Variants in GALNT10 observed in about 807,000 individuals in gnomAD.
GALNT10 encodes polypeptide N-acetylgalactosaminyltransferase 10, also known as GalNAc transferase 10.
Under a neutral mutation model 75.0 loss-of-function variants are expected in GALNT10, and 41 were observed. That is an observed-to-expected ratio of 0.55 (90% CI 0.43 to 0.71). GALNT10 has a LOEUF of 0.71. Ranked by LOEUF, GALNT10 falls within the 30% of genes least tolerant of loss-of-function variation. GALNT10 has a pLI of 0.00. For synonymous variants in GALNT10, 302 were observed against 313.0 expected (o/e 0.96, Z 0.37); for missense variants, 727 against 818.5 (o/e 0.89, Z 1.36).
chr5:154,268,628 T>C (rs868632825), intron 1 of GALNT10, among the ~76,000 whole-genome samples: 88 of 152,232 alleles, frequency 5.8e-4, no homozygotes, highest in African/African-American at 2.1e-3. Flanking sequence ...CAAGGAAGTG[T>C]GTTGGTGTGT....
chr5:154,239,810 A>G (rs1272484455), intron 1 of GALNT10, among the ~76,000 whole-genome samples: 1 of 152,204 alleles, frequency 6.6e-6, no homozygotes, highest in Non-Finnish European at 1.5e-5. Context: ...GCCTTGTAGT[A>G]ATAGATATCT....
chr5:154,194,993 A>T (rs1774913555), intron 1 of GALNT10, among the ~76,000 whole-genome samples: 1 of 152,214 alleles, frequency 6.6e-6, no homozygotes, highest in Admixed American at 6.5e-5. Context: ...CCACAACTTA[A>T]GGGTATGTTC....
intron 1 of GALNT10, among the ~76,000 whole-genome samples, chr5:154,282,096 G>C (rs949849517): frequency 6.6e-6 from 1 of 152,208 alleles, no homozygotes; most frequent in East Asian, 1.9e-4. Flanking sequence ...GGTAGCATCA[G>C]GTGAGGGCTT....
At chr5:154,315,279 G>A (rs990514151) in intron 3 of GALNT10, among the ~76,000 whole-genome samples, 6 of 152,322 alleles carry the variant, frequency 3.9e-5, no homozygotes, top group South Asian at 4.1e-4. Flanking sequence ...AAGGAATCAC[G>A]GGCAATAGAG....
At chr5:154,348,842 C>A (rs1044035478) in intron 4 of GALNT10, among the ~76,000 whole-genome samples, 2 of 152,092 alleles carry the variant, frequency 1.3e-5, no homozygotes, top group African/African-American at 4.8e-5. Flanking sequence ...TCAGTTATAT[C>A]TTTTTCTAAA....
intron 3 of GALNT10, among the ~76,000 whole-genome samples, chr5:154,321,067 A>T (rs967959870): frequency 1.3e-5 from 2 of 152,218 alleles, no homozygotes; most frequent in Non-Finnish European, 2.9e-5. Flanking sequence ...AATTGAAAGA[A>T]TTATACAGCG....
chr5:154,199,998 G>A (rs1775001956), intron 1 of GALNT10, among the ~76,000 whole-genome samples: 1 of 152,240 alleles, frequency 6.6e-6, no homozygotes, highest in Non-Finnish European at 1.5e-5. Flanking sequence ...ACGCAGCTAG[G>A]AAGTGATGGA....
intron 4 of GALNT10, among the ~76,000 whole-genome samples, chr5:154,354,190 A>T (rs62379907): frequency 0.061 from 9,236 of 152,310 alleles, 356 homozygotes; most frequent in Middle Eastern, 0.1. Context: ...CTTACAAATT[A>T]GATCAAATGT....
rs555013504 is a variant in GALNT10, at chr5:154,247,872, G to A, written c.160-46944G>A. 9.2e-5 allele frequency among the ~76,000 whole-genome samples: 14 copies of A among 152,266 alleles called. No individual in the cohort carries two copies. In the East Asian group the frequency reaches 2.7e-3, roughly 29 times the overall value. On this transcript the variant is annotated intron_variant, in intron 1 of 11. Coordinates refer to ENST00000297107, the MANE Select transcript of GALNT10 (RefSeq NM_198321.4). ...TGTTGAATAGGAGTGGTGAGAGAGG[G>A]CATCCCTGTCTTGTGGCAGTTTTCA...
intron 4 of GALNT10, among the ~76,000 whole-genome samples, chr5:154,375,518 T>C (rs1003532108): frequency 6.6e-6 from 1 of 152,218 alleles, no homozygotes; most frequent in Non-Finnish European, 1.5e-5. Flanking sequence ...TTTGCTGTCT[T>C]GTGTAATAAG....
chr5:154,218,244 G>C, intron 1 of GALNT10: 1 of 437,794 alleles, frequency 2.3e-6, no homozygotes, highest in Non-Finnish European at 3.0e-6. Context: ...AGGACTTCAA[G>C]ATGAAACACT....
At chr5:154,269,704 G>T (rs148370896) in intron 1 of GALNT10, among the ~76,000 whole-genome samples, 3 of 152,240 alleles carry the variant, frequency 2.0e-5, no homozygotes, top group African/African-American at 7.2e-5. Context: ...GTTATAGGCT[G>T]GTGGGCAGAG....
At chr5:154,227,990 C>G (rs144265104) in intron 1 of GALNT10, among the ~76,000 whole-genome samples, 2 of 152,190 alleles carry the variant, frequency 1.3e-5, no homozygotes, top group East Asian at 3.9e-4. Flanking sequence ...TGAGTTCTTG[C>G]AAGATCTGGT....
chr5:154,197,004 C>G (rs1237136782), intron 1 of GALNT10, among the ~76,000 whole-genome samples: 1 of 151,932 alleles, frequency 6.6e-6, no homozygotes, highest in Admixed American at 6.6e-5. Context: ...GAGAGAAAAC[C>G]CCTTTGCCAC....
intron 3 of GALNT10, among the ~76,000 whole-genome samples, chr5:154,306,979 A>C (rs755854029): frequency 2.6e-5 from 4 of 152,220 alleles, no homozygotes; most frequent in Non-Finnish European, 5.9e-5. Flanking sequence ...GAAATGGTCA[A>C]TTAAATTGAT....
At chr5:154,414,073 C>T (rs1316258359) in intron 10 of GALNT10, among the ~76,000 whole-genome samples, 1 of 152,086 alleles carries the variant, frequency 6.6e-6, no homozygotes, top group African/African-American at 2.4e-5. Context: ...AGAAATAGAA[C>T]TTGCAATTAC....
intron 1 of GALNT10, among the ~76,000 whole-genome samples, chr5:154,267,582 T>TG (rs1753797995): frequency 1.3e-5 from 2 of 152,236 alleles, no homozygotes; most frequent in Non-Finnish European, 2.9e-5. Flanking sequence ...TTAAGGCCTC[T>TG]GGGTTCAATT....
At chr5:154,246,637 A>C (rs917512943) in intron 1 of GALNT10, among the ~76,000 whole-genome samples, 6 of 152,058 alleles carry the variant, frequency 3.9e-5, no homozygotes, top group East Asian at 1.9e-4. Flanking sequence ...ATATCCTTCG[A>C]CCACTTTTTG....
Position 154,420,427 on chromosome 5 carries a change from T to C in GALNT10, c.*3455T>C, listed in dbSNP as rs1450094898. ...AAAAGAGTGGCAAAGCACTTTACAGTAGTAACTGAGGAATCAGAGTCTCTG... is the reference window on the plus strand; with the variant it reads ...AAAAGAGTGGCAAAGCACTTTACAGCAGTAACTGAGGAATCAGAGTCTCTG... On this transcript the variant is annotated 3_prime_UTR_variant, in exon 12 of 12. Coordinates refer to ENST00000297107, the MANE Select transcript of GALNT10 (RefSeq NM_198321.4). The C allele has an allele frequency of 6.6e-6, 1 of 152,192 alleles. No individual in the cohort carries two copies. Among genetic ancestry groups the C allele is most frequent in the Non-Finnish European group, 1.5e-5 (1 of 68,046 alleles). 9.4% of individuals were successfully genotyped at this position (152,192 alleles called of 1,614,324 possible). A position where few individuals can be genotyped will look rare whatever the true frequency, so the allele number is the denominator to read the frequency against.
Sources: allele counts gnomAD v4.1 joint callset (sites outside exome capture counted in the v4.1 genomes callset), GRCh38; gene constraint gnomAD v4.1.1; transcripts MANE v1.5; gene names NCBI Gene and HGNC (gene_info 2026-07-23, HGNC 2026-07-21).